BANK1: variants seen among roughly 807,000 people sequenced by gnomAD.
BANK1 encodes the protein B cell scaffold protein with ankyrin repeats 1.
BANK1 carries 95 observed loss-of-function variants against 94.5 expected under a neutral mutation model. The observed-to-expected ratio is 1.00, with a 90% confidence interval of 0.85 to 1.19. BANK1 has a LOEUF of 1.19. BANK1 is among the 50% of genes most tolerant of loss of function. The probability of loss-of-function intolerance (pLI) is 0.00; values close to 1 mark genes in which losing one functional copy is unlikely to be tolerated. For synonymous variants in BANK1, 334 were observed against 308.4 expected (o/e 1.08, Z -0.87); for missense variants, 987 against 932.2 (o/e 1.06, Z -0.77).
intron 11 of BANK1, among the ~76,000 whole-genome samples, chr4:102,046,711 C>G (rs2148957727): frequency 6.6e-6 from 1 of 152,272 alleles, no homozygotes; most frequent in Non-Finnish European, 1.5e-5. Flanking sequence ...GAGCTGAAAA[C>G]TGTAGCCACA....
chr4:101,993,472 G>A (rs1052853031), intron 7 of BANK1, among the ~76,000 whole-genome samples: 1 of 152,166 alleles, frequency 6.6e-6, no homozygotes, highest in Admixed American at 6.6e-5. Context: ...AGTAAATGTG[G>A]TAAACTGGGG....
At chr4:101,926,187 A>T (rs1379166529) in intron 7 of BANK1, among the ~76,000 whole-genome samples, 2 of 151,634 alleles carry the variant, frequency 1.3e-5, no homozygotes, top group Non-Finnish European at 3.0e-5. Context: ...AATTCATGTA[A>T]AGGCCTCTCC....
chr4:102,005,338 A>G (rs1440797443), intron 7 of BANK1, among the ~76,000 whole-genome samples: 1 of 152,026 alleles, frequency 6.6e-6, no homozygotes, highest in Non-Finnish European at 1.5e-5. Context: ...ATTATAAAAT[A>G]AATGCATGAA....
In BANK1 at chr4:101,873,262, C is replaced by T. The variant is rs536078474; in HGVS notation, c.903+2618C>T. On this transcript the variant is annotated intron_variant, in intron 5 of 16. Transcript: ENST00000322953. ...AGAAGATTTGAATTTTTAAAATAAC[C>T]TACTTACTTAGCTGAAATGTTATAT... Among the ~76,000 whole-genome samples, 9 of 152,140 alleles carry T rather than the reference C, an allele frequency of 5.9e-5. No homozygotes were observed. The South Asian group carries it at 1.0e-3, about 18-fold the overall frequency.
chr4:101,890,718 TA>T (rs1721832558), intron 5 of BANK1, among the ~76,000 whole-genome samples: 1 of 150,014 alleles, frequency 6.7e-6, no homozygotes, highest in African/African-American at 2.4e-5. Flanking sequence ...TTTCATTTGT[TA>T]TTTTTTTTTT....
At chr4:101,834,607 A>G (rs1430448171) in intron 2 of BANK1, among the ~76,000 whole-genome samples, 2 of 151,824 alleles carry the variant, frequency 1.3e-5, no homozygotes, top group African/African-American at 2.4e-5. Flanking sequence ...ATCATGTTGA[A>G]GACATAAAGT....
chr4:101,922,402 G>A (rs868018984), intron 7 of BANK1, among the ~76,000 whole-genome samples: 1 of 151,752 alleles, frequency 6.6e-6, no homozygotes, highest in Non-Finnish European at 1.5e-5. Flanking sequence ...CTTTGCTTAT[G>A]TAGTTTTTCC....
intron 13 of BANK1, among the ~76,000 whole-genome samples, chr4:102,070,993 C>G (rs1368166009): frequency 6.6e-6 from 1 of 152,078 alleles, no homozygotes; most frequent in African/African-American, 2.4e-5. Context: ...AGCGGAATAT[C>G]AAGGCAGGGC....
rs76695096 is a variant in BANK1 at position 101,968,306 on chromosome 4, A to G, written c.1206+50117A>G. ...GGAAGCCACAAAATTGCTGGGAGGC[A>G]TTTGCAGAGAAACTGTTAAACAGCC... On this transcript the variant is annotated intron_variant, in intron 7 of 16. Coordinates refer to ENST00000322953, the MANE Select transcript of BANK1 (RefSeq NM_017935.5). Among the ~76,000 whole-genome samples, 126 of 152,256 alleles carry G rather than the reference A, an allele frequency of 8.3e-4. 1 individual carries two copies. In the East Asian group the frequency reaches 0.023, roughly 27 times the overall value.
chr4:101,914,584 A>G (rs1310714159), intron 6 of BANK1, among the ~76,000 whole-genome samples: 1 of 152,138 alleles, frequency 6.6e-6, no homozygotes, highest in Admixed American at 6.6e-5. Flanking sequence ...CTTTGCTCCT[A>G]GGAGAGTTAT....
At chr4:102,051,173 G>C (rs111782493) in intron 11 of BANK1, among the ~76,000 whole-genome samples, 3 of 152,180 alleles carry the variant, frequency 2.0e-5, no homozygotes, top group Non-Finnish European at 2.9e-5. Flanking sequence ...GGGGAAAAGA[G>C]AATGCTGATC....
At chr4:102,032,535 A>C (rs536896019) in intron 10 of BANK1, among the ~76,000 whole-genome samples, 5 of 152,174 alleles carry the variant, frequency 3.3e-5, no homozygotes, top group Admixed American at 6.5e-5. Flanking sequence ...TCTGCCTGTA[A>C]CATTTGATAC....
intron 10 of BANK1, among the ~76,000 whole-genome samples, chr4:102,030,894 A>G (rs1033710142): frequency 2.6e-5 from 4 of 152,194 alleles, no homozygotes; most frequent in Non-Finnish European, 5.9e-5. Flanking sequence ...GTGCCACAAT[A>G]AACATACATG....
intron 7 of BANK1, among the ~76,000 whole-genome samples, chr4:101,988,989 T>G (rs937589630): frequency 6.6e-6 from 1 of 152,192 alleles, no homozygotes; most frequent in African/African-American, 2.4e-5. Flanking sequence ...TATATAACAT[T>G]ATATAACATT....
At chr4:102,058,296 T>A (rs778677511) in intron 11 of BANK1, among the ~76,000 whole-genome samples, 15 of 152,124 alleles carry the variant, frequency 9.9e-5, no homozygotes, top group Non-Finnish European at 1.8e-4. Context: ...ATGTAAATAC[T>A]TGTAAAGAGA....
At chr4:102,043,749 A>G (rs1188164844) in intron 10 of BANK1, 90 bp from the exon 11 acceptor site, 4 of 692,954 alleles carry the variant, frequency 5.8e-6, no homozygotes, top group South Asian at 2.2e-5. Context: ...GGAAAATGAT[A>G]TATTGCATTC....
intron 1 of BANK1, 23 bp downstream of exon 1, chr4:101,790,973 G>A: frequency 2.0e-6 from 3 of 1,481,612 alleles, no homozygotes; most frequent in Non-Finnish European, 2.7e-6. Context: ...GCATTCGGAG[G>A]GGCTTGACGC....
At chr4:101,872,845 G>C (rs180692168) in intron 5 of BANK1, among the ~76,000 whole-genome samples, 13 of 151,996 alleles carry the variant, frequency 8.6e-5, no homozygotes, top group African/African-American at 2.9e-4. Context: ...AAAATTAGCC[G>C]AGCATGGTGA....
At chr4:101,988,172 T>A (rs1725579676) in intron 7 of BANK1, among the ~76,000 whole-genome samples, 1 of 152,222 alleles carries the variant, frequency 6.6e-6, no homozygotes, top group Non-Finnish European at 1.5e-5. Context: ...ATATGGTTTA[T>A]GTTTAACGAA....
Sources: allele counts gnomAD v4.1 joint callset (sites outside exome capture counted in the v4.1 genomes callset), GRCh38; gene constraint gnomAD v4.1.1; transcripts MANE v1.5; gene names NCBI Gene and HGNC (gene_info 2026-07-23, HGNC 2026-07-21).